Variants in RBPMS observed in about 807,000 individuals in gnomAD.
RBPMS encodes the protein RNA-binding protein with multiple splicing.
In RBPMS, 7 loss-of-function variants were observed where a neutral mutation model predicts 26.8. The observed-to-expected ratio is 0.26, with a 90% CI of 0.15 to 0.49. The LOEUF (loss-of-function observed/expected upper bound fraction) is 0.49, where lower values mean the gene tolerates loss of function less well. Ranked by LOEUF, RBPMS falls within the 20% of genes least tolerant of loss-of-function variation. The pLI is 0.98. For synonymous variants in RBPMS, 96 were observed against 93.3 expected (o/e 1.03, Z -0.17); for missense variants, 186 against 250.0 (o/e 0.74, Z 1.73).
At chr8:30,502,420 A>C (rs774197980) in intron 4 of RBPMS, among the ~76,000 whole-genome samples, 1 of 152,200 alleles carries the variant, frequency 6.6e-6, no homozygotes, top group East Asian at 1.9e-4. Flanking sequence ...CTAGACCACA[A>C]CTAGGTCCCA....
intron 6 of RBPMS, chr8:30,545,379 T>C: frequency 1.7e-6 from 2 of 1,146,418 alleles, no homozygotes; most frequent in African/African-American, 1.6e-5. Context: ...TTAGTGCAAG[T>C]GGTAGTAATC....
At chr8:30,417,458 A>C (rs1810226775) in intron 1 of RBPMS, among the ~76,000 whole-genome samples, 1 of 151,704 alleles carries the variant, frequency 6.6e-6, no homozygotes, top group East Asian at 1.9e-4. Flanking sequence ...AAACCAAAAA[A>C]ACATGAATGT....
intron 7 of RBPMS, among the ~76,000 whole-genome samples, chr8:30,560,156 G>C (rs1250559176): frequency 6.6e-6 from 1 of 152,202 alleles, no homozygotes; most frequent in Non-Finnish European, 1.5e-5. Context: ...AAGAGTGCTA[G>C]GGTTTATTGT....
chr8:30,500,710 C>A (rs951769180), intron 4 of RBPMS, among the ~76,000 whole-genome samples: 1 of 152,094 alleles, frequency 6.6e-6, no homozygotes, highest in African/African-American at 2.4e-5. Context: ...AGGTTGAAAT[C>A]CTTATAAGAG....
At chr8:30,525,803 T>G (rs1452659023) in intron 5 of RBPMS, among the ~76,000 whole-genome samples, 1 of 152,224 alleles carries the variant, frequency 6.6e-6, no homozygotes, top group Admixed American at 6.5e-5. Context: ...TGTAGAGCTC[T>G]CTGCAGGTTG....
chr8:30,457,462 A>G (rs1022321724), intron 1 of RBPMS, among the ~76,000 whole-genome samples: 6 of 152,126 alleles, frequency 3.9e-5, no homozygotes, highest in Admixed American at 6.6e-5. Context: ...GTGATATGCA[A>G]TTTGTTCAGT....
chr8:30,522,406 G>A (rs534614581), intron 5 of RBPMS, among the ~76,000 whole-genome samples: 23 of 151,998 alleles, frequency 1.5e-4, no homozygotes, highest in Non-Finnish European at 3.1e-4. Flanking sequence ...ATTTGGAGAC[G>A]CCAAGGTGGG....
intron 4 of RBPMS, among the ~76,000 whole-genome samples, chr8:30,483,553 A>AT (rs1818489035): frequency 6.6e-6 from 1 of 152,022 alleles, no homozygotes. Flanking sequence ...CCCATTTAAA[A>AT]TTTTCAATTC....
intron 4 of RBPMS, among the ~76,000 whole-genome samples, chr8:30,503,004 AGTT>A (rs1820718098): frequency 1.4e-5 from 2 of 147,906 alleles, no homozygotes; most frequent in South Asian, 4.5e-4. Flanking sequence ...TACTGCCCTC[AGTT>A]GGTTTCTTCT....
chr8:30,461,286 A>G (rs967017140), intron 1 of RBPMS, among the ~76,000 whole-genome samples: 4 of 152,182 alleles, frequency 2.6e-5, no homozygotes, highest in Non-Finnish European at 4.4e-5. Context: ...ACTTTTAGGG[A>G]CAATTTTTCT....
At chr8:30,531,780 T>C (rs940989487) in intron 5 of RBPMS, among the ~76,000 whole-genome samples, 1 of 152,156 alleles carries the variant, frequency 6.6e-6, no homozygotes, top group African/African-American at 2.4e-5. Context: ...GGTTAAATCT[T>C]TGTGATTTTT....
chr8:30,537,700 G>A (rs772980096), intron 5 of RBPMS: 60 of 453,998 alleles, frequency 1.3e-4, no homozygotes, highest in Middle Eastern at 9.8e-4. Context: ...ATTTAACCTC[G>A]CTGTGTCTCA....
chr8:30,516,770 T>C (rs1822350185), intron 5 of RBPMS, among the ~76,000 whole-genome samples: 1 of 152,170 alleles, frequency 6.6e-6, no homozygotes, highest in African/African-American at 2.4e-5. Flanking sequence ...GGCATACGCC[T>C]GTAGTCCCAG....
intron 1 of RBPMS, among the ~76,000 whole-genome samples, chr8:30,419,978 A>C (rs1250267042): frequency 6.6e-6 from 1 of 152,196 alleles, no homozygotes; most frequent in Non-Finnish European, 1.5e-5. Flanking sequence ...TAATCCCAGC[A>C]CTTTGAGAGG....
chr8:30,549,449 TAAATG>T (rs766086480), intron 6 of RBPMS: 3 of 1,467,884 alleles, frequency 2.0e-6, no homozygotes, highest in African/African-American at 1.4e-5. Context: ...TTTTCAGACA[TAAATG>T]AAATTGTTAA....
intron 1 of RBPMS, among the ~76,000 whole-genome samples, chr8:30,444,086 G>A (rs994533622): frequency 1.3e-5 from 2 of 151,560 alleles, no homozygotes; most frequent in Admixed American, 6.6e-5. Flanking sequence ...TAGTAGAGCC[G>A]GGTTTCACCA....
chr8:30,530,822 G>GTAC (rs1554538016), intron 5 of RBPMS, among the ~76,000 whole-genome samples: 2 of 152,064 alleles, frequency 1.3e-5, no homozygotes, highest in African/African-American at 2.4e-5. Flanking sequence ...ATGAGAATAG[G>GTAC]TACTACTACT....
At chr8:30,456,661 G>A (rs1156703182) in intron 1 of RBPMS, among the ~76,000 whole-genome samples, 1 of 152,142 alleles carries the variant, frequency 6.6e-6, no homozygotes, top group Non-Finnish European at 1.5e-5. Context: ...ATGTGGCCTT[G>A]CAAGAGTGAT....
intron 5 of RBPMS, among the ~76,000 whole-genome samples, chr8:30,522,924 A>G (rs1823212301): frequency 6.6e-6 from 1 of 152,186 alleles, no homozygotes; most frequent in Non-Finnish European, 1.5e-5. Flanking sequence ...TGATAGGTCT[A>G]TATAAGAAGA....
Sources: allele counts gnomAD v4.1 joint callset (sites outside exome capture counted in the v4.1 genomes callset), GRCh38; gene constraint gnomAD v4.1.1; transcripts MANE v1.5; gene names NCBI Gene and HGNC (gene_info 2026-07-23, HGNC 2026-07-21).